SPIDR: variants seen among roughly 807,000 people sequenced by gnomAD.
SPIDR encodes DNA repair-scaffolding protein.
A neutral mutation model predicts 104.6 loss-of-function variants in SPIDR; 93 were observed. That is an observed-to-expected ratio of 0.89 (90% confidence interval 0.75 to 1.06). The LOEUF (loss-of-function observed/expected upper bound fraction) is 1.06. Ranked by LOEUF, SPIDR falls within the 50% of genes least tolerant of loss-of-function variation. The pLI, the probability that SPIDR is intolerant of heterozygous loss-of-function variation, is 0.00. For synonymous variants in SPIDR, 431 were observed against 416.9 expected, an observed-to-expected ratio of 1.03 and a Z score of -0.41; for missense variants, 1,154 against 1,111.2, an observed-to-expected ratio of 1.04 and a Z score of -0.55.
At chr8:47,366,512 C>G (rs989372953) in intron 5 of SPIDR, among the ~76,000 whole-genome samples, 8 of 152,122 alleles carry the variant, frequency 5.3e-5, no homozygotes, top group African/African-American at 1.4e-4. Context: ...TGATTCTGCT[C>G]TAGGTACGAA....
chr8:47,321,821 C>G (rs1378697732), intron 5 of SPIDR, among the ~76,000 whole-genome samples: 2 of 152,184 alleles, frequency 1.3e-5, no homozygotes, highest in Admixed American at 6.5e-5. Context: ...CTTTGACAAA[C>G]CTGACAAAAA....
Position 47,538,857 on chromosome 8 carries a change from C to CTTTTTTTTTTTTTT in SPIDR, c.1098-56946_1098-56933dup, listed in dbSNP as rs1161571829. Among the ~76,000 whole-genome samples, 34 of 100,844 alleles carry CTTTTTTTTTTTTTT rather than the reference C, an allele frequency of 3.4e-4. 1 individual carries two copies. The highest frequency in any genetic ancestry group is 4.4e-4 in the Non-Finnish European group (21 of 47,954). 66.2% of individuals were successfully genotyped at this position (100,844 alleles called of 152,430 possible). ...GTTTTGGTTTTGCCTTTTTTCTTTT[C>CTTTTTTTTTTTTTT]TTTTTTTTTTTTTTTTTTTTTGAGA... is the stretch of plus-strand genomic sequence containing the variant. On this transcript the variant is annotated intron_variant, in intron 8 of 19. Transcript: ENST00000297423.
At chr8:47,479,441 AAG>A (rs2076643543) in intron 8 of SPIDR, among the ~76,000 whole-genome samples, 1 of 152,170 alleles carries the variant, frequency 6.6e-6, no homozygotes, top group African/African-American at 2.4e-5. Flanking sequence ...AGTATCTTAT[AAG>A]AGAAGGTTTC....
At chr8:47,688,708 C>T (rs1177000617) in intron 11 of SPIDR, among the ~76,000 whole-genome samples, 2 of 152,358 alleles carry the variant, frequency 1.3e-5, no homozygotes, top group East Asian at 1.9e-4. Flanking sequence ...CAGGTGTGCA[C>T]ATCGTGGGGG....
chr8:47,522,558 A>C (rs923862933), intron 8 of SPIDR, among the ~76,000 whole-genome samples: 1 of 152,154 alleles, frequency 6.6e-6, no homozygotes, highest in Non-Finnish European at 1.5e-5. Context: ...CCCCAGGTCA[A>C]ATGACTCCCT....
intron 5 of SPIDR, among the ~76,000 whole-genome samples, chr8:47,315,761 A>G (rs2045221217): frequency 6.6e-6 from 1 of 152,178 alleles, no homozygotes; most frequent in South Asian, 2.1e-4. Context: ...ATGAGGGAAA[A>G]GAAAGGCTTT....
At chr8:47,275,921 A>C (rs2036333550) in intron 1 of SPIDR, among the ~76,000 whole-genome samples, 1 of 152,196 alleles carries the variant, frequency 6.6e-6, no homozygotes, top group Admixed American at 6.5e-5. Flanking sequence ...CAGTGGTGCG[A>C]TCACAGCTCA....
At chr8:47,331,964 AC>A (rs2048746221) in intron 5 of SPIDR, among the ~76,000 whole-genome samples, 6 of 50,600 alleles carry the variant, frequency 1.2e-4, no homozygotes, top group East Asian at 1.4e-3. Context: ...ATTTTTTTAA[AC>A]TTTTTTTTTT....
At chr8:47,261,911 A>G (rs2032482412) in intron 1 of SPIDR, among the ~76,000 whole-genome samples, 1 of 152,262 alleles carries the variant, frequency 6.6e-6, no homozygotes, top group East Asian at 1.9e-4. Flanking sequence ...AATCAAGGAA[A>G]TATATAAATT....
chr8:47,692,899 G>C (rs1451762227), intron 11 of SPIDR, among the ~76,000 whole-genome samples: 1 of 152,190 alleles, frequency 6.6e-6, no homozygotes, highest in African/African-American at 2.4e-5. Flanking sequence ...GCAAGTTTCT[G>C]TGTGGATGTC....
intron 1 of SPIDR, among the ~76,000 whole-genome samples, chr8:47,271,713 T>C (rs1466909463): frequency 2.0e-5 from 3 of 152,192 alleles, no homozygotes; most frequent in Non-Finnish European, 2.9e-5. Context: ...GTCCAACTTC[T>C]GGCTCCTCTC....
At chr8:47,589,022 G>GTTTTTTTTTTTTTTTTTTTTTTTTT (rs1168001066) in intron 8 of SPIDR, among the ~76,000 whole-genome samples, 26 of 89,048 alleles carry the variant, frequency 2.9e-4, no homozygotes, top group East Asian at 6.9e-4. Flanking sequence ...TTTATAGTTT[G>GTTTTTTTTTTTTTTTTTTTTTTTTT]TTTTTTTTTT....
intron 10 of SPIDR, among the ~76,000 whole-genome samples, chr8:47,669,194 G>A (rs1009223319): frequency 3.2e-4 from 49 of 152,150 alleles, no homozygotes; most frequent in Admixed American, 2.8e-3. Flanking sequence ...TAAATACCTG[G>A]CAGTTCAGGA....
At chr8:47,301,689 C>A (rs1554577454) in intron 5 of SPIDR, among the ~76,000 whole-genome samples, 2,325 of 138,434 alleles carry the variant, frequency 0.017, no homozygotes, top group East Asian at 0.074. Context: ...GATTTTATTT[C>A]TCCTTCACTC....
At chr8:47,692,571 C>T (rs1290613475) in intron 11 of SPIDR, among the ~76,000 whole-genome samples, 1 of 142,882 alleles carries the variant, frequency 7.0e-6, no homozygotes, top group Non-Finnish European at 1.5e-5. Context: ...GATCTTGGCT[C>T]ACTGCAACCT....
chr8:47,280,248 A>G (rs958220646), intron 2 of SPIDR, among the ~76,000 whole-genome samples: 2 of 143,324 alleles, frequency 1.4e-5, no homozygotes, highest in Non-Finnish European at 3.1e-5. Flanking sequence ...TTATTTATTT[A>G]TTTATTTTTT....
intron 5 of SPIDR, among the ~76,000 whole-genome samples, chr8:47,326,038 A>G (rs2047605980): frequency 2.0e-5 from 3 of 152,080 alleles, no homozygotes; most frequent in African/African-American, 2.4e-5. Flanking sequence ...GTTTCTCACA[A>G]TGGACTGCAG....
intron 5 of SPIDR, among the ~76,000 whole-genome samples, chr8:47,324,297 G>C (rs1679954685): frequency 6.6e-6 from 1 of 152,110 alleles, no homozygotes; most frequent in South Asian, 2.1e-4. Flanking sequence ...CCATTTTGCT[G>C]AATGGCCTTT....
At chr8:47,312,864 T>G (rs587606186) in intron 5 of SPIDR, among the ~76,000 whole-genome samples, 241 of 152,296 alleles carry the variant, frequency 1.6e-3, no homozygotes, top group African/African-American at 2.1e-3. Context: ...GGTCTAACAT[T>G]TAAGTCTTTA....
Sources: allele counts gnomAD v4.1 joint callset (sites outside exome capture counted in the v4.1 genomes callset), GRCh38; gene constraint gnomAD v4.1.1; transcripts MANE v1.5; gene names NCBI Gene and HGNC (gene_info 2026-07-23, HGNC 2026-07-21).